LRRTM4: variants seen among roughly 807,000 people sequenced by gnomAD.
The protein encoded by LRRTM4 is leucine rich repeat transmembrane neuronal 4.
A neutral mutation model predicts 47.6 loss-of-function variants in LRRTM4; 25 were observed. The ratio of observed to expected loss-of-function variants is 0.53; its 90% CI spans 0.38 to 0.73. The LOEUF is 0.73. Ranked by LOEUF, LRRTM4 falls within the 30% of genes least tolerant of loss-of-function variation. The probability of loss-of-function intolerance (pLI) is 0.00; values close to 1 mark genes in which losing one functional copy is unlikely to be tolerated. For synonymous variants in LRRTM4, 311 were observed against 269.5 expected (o/e 1.15, Z -1.51); for missense variants, 638 against 713.4 (o/e 0.89, Z 1.20).
At chr2:77,505,519 A>ATTT in intron 3 of LRRTM4, among the ~76,000 whole-genome samples, 1 of 151,520 alleles carries the variant, frequency 6.6e-6, no homozygotes, top group Non-Finnish European at 1.5e-5. Flanking sequence ...GTTAGAAACA[A>ATTT]AAAAATTGCT....
chr2:76,956,664 AT>A (rs546956513), intron 3 of LRRTM4, among the ~76,000 whole-genome samples: 2 of 151,142 alleles, frequency 1.3e-5, no homozygotes, highest in African/African-American at 4.8e-5. Context: ...AATTAAGGAG[AT>A]TTTTTGAAAA....
Position 77,310,831 on chromosome 2 carries a change from A to G in LRRTM4, c.1551+207487T>C, listed in dbSNP as rs145122453. Among the ~76,000 whole-genome samples, 15 of 152,242 alleles carry G rather than the reference A, an allele frequency of 9.9e-5. No homozygotes were observed. In the East Asian group the frequency reaches 2.9e-3, roughly 29 times the overall value. Reference sequence around the variant, plus strand: ...AGCACTGGTAATAATAATCACAGCAATATTCTGTGATGTCATATACACACA... The same window carrying G: ...AGCACTGGTAATAATAATCACAGCAGTATTCTGTGATGTCATATACACACA... On this transcript the variant is annotated intron_variant, in intron 3 of 3. Coordinates refer to ENST00000409884, the MANE Select transcript of LRRTM4 (RefSeq NM_001134745.3).
intron 3 of LRRTM4, among the ~76,000 whole-genome samples, chr2:77,331,161 T>G (rs962511777): frequency 3.9e-5 from 6 of 152,184 alleles, no homozygotes. Context: ...TTGTTTCTTC[T>G]TATTCTATTT....
intron 3 of LRRTM4, among the ~76,000 whole-genome samples, chr2:77,026,985 C>T (rs544256464): frequency 6.6e-6 from 1 of 152,204 alleles, no homozygotes; most frequent in South Asian, 2.1e-4. Context: ...CATTAGAAAT[C>T]TGGAACAGAA....
At chr2:76,851,762 T>G (rs1047502046) in intron 3 of LRRTM4, among the ~76,000 whole-genome samples, 2 of 150,694 alleles carry the variant, frequency 1.3e-5, no homozygotes, top group Non-Finnish European at 3.0e-5. Context: ...TTCGTTTTTT[T>G]TTTTTTTTTT....
chr2:77,118,982 T>C (rs542880083), intron 3 of LRRTM4, among the ~76,000 whole-genome samples: 1 of 151,868 alleles, frequency 6.6e-6, no homozygotes. Flanking sequence ...GATTACTCTA[T>C]GCAGAACACA....
chr2:76,790,455 C>G (rs1187253238), intron 3 of LRRTM4, among the ~76,000 whole-genome samples: 3 of 152,150 alleles, frequency 2.0e-5, no homozygotes, highest in Admixed American at 2.0e-4. Flanking sequence ...ACCTTTCTAG[C>G]AGTATGATCT....
intron 3 of LRRTM4, among the ~76,000 whole-genome samples, chr2:77,285,142 G>T (rs962061047): frequency 1.3e-5 from 2 of 151,438 alleles, no homozygotes; most frequent in African/African-American, 4.8e-5. Context: ...CATTTTTGTG[G>T]GTTGTTTTCC....
intron 3 of LRRTM4, among the ~76,000 whole-genome samples, chr2:77,289,114 C>T (rs555440769): frequency 1.3e-5 from 2 of 152,018 alleles, no homozygotes; most frequent in East Asian, 1.9e-4. Flanking sequence ...TAAAAAGATA[C>T]CATATGCATG....
At chr2:77,193,967 C>G (rs577722661) in intron 3 of LRRTM4, among the ~76,000 whole-genome samples, 30 of 152,270 alleles carry the variant, frequency 2.0e-4, no homozygotes, top group African/African-American at 7.0e-4. Flanking sequence ...ATTTACTTCT[C>G]TTTCAGCTGT....
At chr2:77,367,285 A>AT (rs35120569) in intron 3 of LRRTM4, among the ~76,000 whole-genome samples, 94,371 of 151,090 alleles carry the variant, frequency 0.62, 30,755 homozygotes, top group East Asian at 0.87. Flanking sequence ...TCATTATTTG[A>AT]TTTTTTTAAT....
chr2:76,907,632 T>C (rs1673895083), intron 3 of LRRTM4, among the ~76,000 whole-genome samples: 2 of 123,818 alleles, frequency 1.6e-5, no homozygotes, highest in South Asian at 2.7e-4. Flanking sequence ...AAGAATCAAA[T>C]AGACGCAATA....
chr2:76,961,160 C>T (rs984638064), intron 3 of LRRTM4, among the ~76,000 whole-genome samples: 3 of 151,278 alleles, frequency 2.0e-5, no homozygotes, highest in African/African-American at 7.3e-5. Context: ...ACAGGCTTTC[C>T]TAACTATCTA....
At chr2:76,932,710 G>A (rs1674812361) in intron 3 of LRRTM4, among the ~76,000 whole-genome samples, 1 of 151,608 alleles carries the variant, frequency 6.6e-6, no homozygotes, top group East Asian at 1.9e-4. Flanking sequence ...ATATGAATGT[G>A]TTCATATATT....
intron 3 of LRRTM4, among the ~76,000 whole-genome samples, chr2:77,131,939 TATAATG>T (rs1671813435): frequency 6.6e-6 from 1 of 152,222 alleles, no homozygotes; most frequent in Non-Finnish European, 1.5e-5. Context: ...GATTAGAATG[TATAATG>T]ATAAAGTCAG....
At chr2:76,915,207 G>C (rs918696266) in intron 3 of LRRTM4, among the ~76,000 whole-genome samples, 11 of 152,186 alleles carry the variant, frequency 7.2e-5, no homozygotes, top group East Asian at 5.8e-4. Context: ...AGAGTAGTGA[G>C]AAGGATGAAC....
intron 3 of LRRTM4, among the ~76,000 whole-genome samples, chr2:77,010,031 A>G (rs919662349): frequency 6.6e-5 from 10 of 151,952 alleles, no homozygotes; most frequent in East Asian, 1.9e-4. Flanking sequence ...ATAATTGAAT[A>G]TATTTATAGT....
At chr2:77,499,724 T>C (rs189000366) in intron 3 of LRRTM4, among the ~76,000 whole-genome samples, 1 of 152,014 alleles carries the variant, frequency 6.6e-6, no homozygotes, top group Admixed American at 6.6e-5. Flanking sequence ...TCATAGACAT[T>C]ATGCAAGCTG....
intron 3 of LRRTM4, among the ~76,000 whole-genome samples, chr2:77,503,142 C>T (rs1678639116): frequency 6.6e-6 from 1 of 151,238 alleles, no homozygotes; most frequent in African/African-American, 2.4e-5. Context: ...ACATGATCCA[C>T]TTTTGTTTTG....
Sources: gnomAD v4.1 joint callset for allele counts (sites outside exome capture counted in the v4.1 genomes callset) on GRCh38, gnomAD v4.1.1 for gene constraint, MANE v1.5 for transcripts, NCBI Gene and HGNC (gene_info 2026-07-23, HGNC 2026-07-21) for gene names.